Variants in SH3BGRL2 observed in about 807,000 individuals in gnomAD.
SH3BGRL2 encodes the protein SH3 domain-binding glutamic acid-rich-like protein 2.
A neutral mutation model predicts 14.8 loss-of-function variants in SH3BGRL2; 21 were observed. The ratio of observed to expected loss-of-function variants is 1.42; its 90% CI spans 1.01 to 2.05. The LOEUF is 2.05. Ranked by LOEUF, SH3BGRL2 falls within the 30% of genes most tolerant of loss-of-function variation. The pLI, the probability that SH3BGRL2 is intolerant of heterozygous loss-of-function variation, is 0.00. For synonymous variants in SH3BGRL2, 50 were observed against 47.8 expected (o/e 1.05, Z -0.19); for missense variants, 147 against 130.8 (o/e 1.12, Z -0.61).
At position 79,673,739 on chromosome 6, in the gene SH3BGRL2, G is replaced by T; in HGVS notation, c.171G>T (p.Lys57Asn). Residue 57 changes from lysine (K) to asparagine (N), a missense_variant, in exon 2 of 4, where the codon AAG (lysine) becomes AAT (asparagine). By Grantham distance (94) the Lys-to-Asn change is moderately conservative. Coordinates refer to ENST00000369838, the MANE Select transcript of SH3BGRL2 (RefSeq NM_031469.4). ...QWMYKNVPPEKKPTQGNPLPP... is the reference protein window; with the variant it reads ...QWMYKNVPPENKPTQGNPLPP... ...TGTACAAAAACGTCCCCCCGGAAAA[G>T]AAACCCACTCAGGGCAACCCCCTGC... is the stretch of plus-strand genomic sequence containing the variant. 1 of 1,614,102 alleles carries T rather than the reference G, an allele frequency of 6.2e-7. No homozygotes were observed. The highest frequency in any genetic ancestry group is 8.5e-7 in the Non-Finnish European group (1 of 1,180,012).
At chr6:79,549,151 A>G in the SH3BGRL2 span, among the ~76,000 whole-genome samples, 1 of 152,234 alleles carries the variant, frequency 6.6e-6, no homozygotes, top group Admixed American at 6.5e-5. Flanking sequence ...TTAAAAACAC[A>G]CATTAAGGAT....
chr6:79,648,526 C>T (rs963268094), intron 1 of SH3BGRL2, among the ~76,000 whole-genome samples: 4 of 151,360 alleles, frequency 2.6e-5, no homozygotes, highest in African/African-American at 9.7e-5. Context: ...CCACCTTTGC[C>T]CTCCAAACTG....
At chr6:79,651,191 G>T (rs1167278585) in intron 1 of SH3BGRL2, among the ~76,000 whole-genome samples, 1 of 152,084 alleles carries the variant, frequency 6.6e-6, no homozygotes, top group East Asian at 1.9e-4. Flanking sequence ...CTTGTCTATA[G>T]AAAATACTAT....
chr6:79,673,737 A>G lies in SH3BGRL2; in HGVS notation c.169A>G (p.Lys57Glu). ...QWMYKNVPPEKKPTQGNPLPP... is the reference protein window; with the variant it reads ...QWMYKNVPPEEKPTQGNPLPP... The stretch of plus-strand genomic sequence containing the variant: ...GATGTACAAAAACGTCCCCCCGGAA[A>G]AGAAACCCACTCAGGGCAACCCCCT... Residue 57 changes from lysine (K) to glutamate (E), a missense_variant, in exon 2 of 4, where the codon AAG (lysine) becomes GAG (glutamate). Coordinates refer to ENST00000369838, the MANE Select transcript of SH3BGRL2 (RefSeq NM_031469.4). The G allele has an allele frequency of 6.2e-7, 1 of 1,614,168 alleles. No individual in the cohort carries two copies. Among genetic ancestry groups the G allele is most frequent in the Non-Finnish European group, 8.5e-7 (1 of 1,180,022 alleles).
chr6:79,556,917 G>A, the SH3BGRL2 span, among the ~76,000 whole-genome samples: 13 of 151,840 alleles, frequency 8.6e-5, no homozygotes, highest in African/African-American at 2.9e-4. Context: ...TGGAATATGG[G>A]AATTTTAAAA....
At chr6:79,609,360 G>C in the SH3BGRL2 span, among the ~76,000 whole-genome samples, 9 of 152,194 alleles carry the variant, frequency 5.9e-5, no homozygotes, top group Non-Finnish European at 1.2e-4. Flanking sequence ...AGTTTGACTG[G>C]AAAAGGAGGA....
At chr6:79,561,805 TC>T in the SH3BGRL2 span, among the ~76,000 whole-genome samples, 1 of 152,150 alleles carries the variant, frequency 6.6e-6, no homozygotes, top group Non-Finnish European at 1.5e-5. Context: ...TATGGAAACT[TC>T]ACTCAAGCTG....
At chr6:79,556,980 A>G in the SH3BGRL2 span, among the ~76,000 whole-genome samples, 1 of 151,934 alleles carries the variant, frequency 6.6e-6, no homozygotes, top group Non-Finnish European at 1.5e-5. Context: ...TTGACTTTTA[A>G]AAAGTCAAAC....
At chr6:79,625,456 GCTT>G in the SH3BGRL2 span, among the ~76,000 whole-genome samples, 2 of 151,982 alleles carry the variant, frequency 1.3e-5, no homozygotes, top group African/African-American at 4.8e-5. Flanking sequence ...CTTTATTGCT[GCTT>G]CATTTCACAA....
At chr6:79,589,803 C>T in the SH3BGRL2 span, among the ~76,000 whole-genome samples, 1 of 152,158 alleles carries the variant, frequency 6.6e-6, no homozygotes, top group African/African-American at 2.4e-5. Context: ...GGGACAGGGT[C>T]TTGCTCTGTT....
Position 79,691,737 on chromosome 6 carries a change from T to G in SH3BGRL2, c.232-4748T>G, listed in dbSNP as rs1477817377. On this transcript the variant is annotated intron_variant, in intron 2 of 3. Coordinates refer to ENST00000369838, the MANE Select transcript of SH3BGRL2 (RefSeq NM_031469.4). ...TCCATGGTGTATATGTGCCACATTT[T>G]CTTAATCTAGTCTATCATTGTTGGA... Among the ~76,000 whole-genome samples the G allele has an allele frequency of 4.0e-5, 6 of 151,896 alleles. No homozygotes were observed. The East Asian group carries it at 5.8e-4, about 15-fold the overall frequency.
At chr6:79,620,040 G>A in the SH3BGRL2 span, among the ~76,000 whole-genome samples, 10 of 151,986 alleles carry the variant, frequency 6.6e-5, no homozygotes, top group African/African-American at 2.2e-4. Context: ...TCTTTATATT[G>A]ATTTTTTTTC....
the SH3BGRL2 span, among the ~76,000 whole-genome samples, chr6:79,619,003 C>A: frequency 2.0e-5 from 3 of 150,706 alleles, no homozygotes; most frequent in Non-Finnish European, 2.9e-5. Context: ...TAATTTGCTT[C>A]AGTTTGATTT....
At chr6:79,670,187 T>C (rs1010174852) in intron 1 of SH3BGRL2, among the ~76,000 whole-genome samples, 2 of 152,206 alleles carry the variant, frequency 1.3e-5, no homozygotes, top group Non-Finnish European at 2.9e-5. Flanking sequence ...ATTCTTTTGT[T>C]TTTTTCCCCC....
At chr6:79,538,036 T>G in the SH3BGRL2 span, among the ~76,000 whole-genome samples, 5 of 137,566 alleles carry the variant, frequency 3.6e-5, no homozygotes, top group East Asian at 6.1e-4. Flanking sequence ...TTTTTTTTTT[T>G]TTTTTTTTTT....
At chr6:79,671,328 G>C (rs1458630813) in intron 1 of SH3BGRL2, among the ~76,000 whole-genome samples, 1 of 152,080 alleles carries the variant, frequency 6.6e-6, no homozygotes, top group African/African-American at 2.4e-5. Context: ...TTAGCCAGGC[G>C]TGATGGCACA....
At chr6:79,647,473 A>G (rs1376965687) in intron 1 of SH3BGRL2, among the ~76,000 whole-genome samples, 1 of 152,132 alleles carries the variant, frequency 6.6e-6, no homozygotes, top group Non-Finnish European at 1.5e-5. Context: ...ATTTATGAAT[A>G]TCTTCTATTG....
At chr6:79,568,404 ATAGAC>A in the SH3BGRL2 span, among the ~76,000 whole-genome samples, 1 of 152,210 alleles carries the variant, frequency 6.6e-6, no homozygotes, top group African/African-American at 2.4e-5. Context: ...GTGAAAATGA[ATAGAC>A]TATAGCTTCA....
intron 2 of SH3BGRL2, among the ~76,000 whole-genome samples, chr6:79,693,878 C>T (rs1224024647): frequency 6.6e-6 from 1 of 152,084 alleles, no homozygotes; most frequent in East Asian, 1.9e-4. Flanking sequence ...TAGCTTAGAT[C>T]AGGTTGGTAG....
Sources: allele counts gnomAD v4.1 joint callset (sites outside exome capture counted in the v4.1 genomes callset), GRCh38; gene constraint gnomAD v4.1.1; transcripts MANE v1.5; gene names NCBI Gene and HGNC (gene_info 2026-07-23, HGNC 2026-07-21).